LUZP2: variants seen among roughly 807,000 people sequenced by gnomAD.
The protein encoded by LUZP2 is leucine zipper protein 2.
A neutral mutation model predicts 51.6 loss-of-function variants in LUZP2; 52 were observed. The observed-to-expected ratio is 1.01, with a 90% CI of 0.81 to 1.27. LUZP2 has a LOEUF of 1.27. Among genes scored for constraint, LUZP2 ranks in the 50% most tolerant of loss-of-function variants. The pLI is 0.00. For synonymous variants in LUZP2, 154 were observed against 137.3 expected, an observed-to-expected ratio of 1.12 and a Z score of -0.85; for missense variants, 436 against 395.4, an observed-to-expected ratio of 1.10 and a Z score of -0.87.
At chr11:24,768,616 G>A (rs1362380133) in intron 5 of LUZP2, among the ~76,000 whole-genome samples, 2 of 152,146 alleles carry the variant, frequency 1.3e-5, no homozygotes, top group Non-Finnish European at 2.9e-5. Context: ...TTCATCAGAA[G>A]AAGATTTACA....
At chr11:24,833,049 T>C (rs982105410) in intron 5 of LUZP2, among the ~76,000 whole-genome samples, 64 of 152,190 alleles carry the variant, frequency 4.2e-4, no homozygotes, top group African/African-American at 1.5e-3. Context: ...AATTAAGCAG[T>C]TGATGAAGGG....
rs74436508 is a variant in LUZP2 at position 24,941,387 on chromosome 11, C to G, written c.522+26849C>G. On this transcript the variant is annotated intron_variant, in intron 7 of 11. Transcript: ENST00000336930. Reference sequence around the variant, plus strand: ...TAGAGAAAAATATATAAATCACAAACTTTAAATACGCAAATATAAAAAAGC... The same window carrying G: ...TAGAGAAAAATATATAAATCACAAAGTTTAAATACGCAAATATAAAAAAGC... Among the ~76,000 whole-genome samples, 862 of 152,188 alleles carry G rather than the reference C, an allele frequency of 5.7e-3. 4 individuals are homozygous for G. The highest frequency in any genetic ancestry group is 9.2e-3 in the Admixed American group (141 of 15,286).
At chr11:25,049,911 T>A (rs1368700099) in intron 9 of LUZP2, 127 bp from the exon 10 acceptor site, 1 of 423,484 alleles carries the variant, frequency 2.4e-6, no homozygotes, top group Non-Finnish European at 4.1e-6. Flanking sequence ...CTTGTTTTAT[T>A]TTGATTGTAA....
intron 7 of LUZP2, among the ~76,000 whole-genome samples, chr11:24,975,800 T>C (rs1276545081): frequency 6.6e-6 from 1 of 152,038 alleles, no homozygotes; most frequent in Non-Finnish European, 1.5e-5. Context: ...ACAATAATGA[T>C]ACTTGTAATG....
chr11:24,574,182 T>C (rs202246892), intron 1 of LUZP2, among the ~76,000 whole-genome samples: 1 of 129,046 alleles, frequency 7.7e-6, no homozygotes, highest in Non-Finnish European at 1.7e-5. Context: ...TCTTTCTTTC[T>C]TTTCTTTCTT....
intron 5 of LUZP2, among the ~76,000 whole-genome samples, chr11:24,811,428 CT>C (rs1340667878): frequency 1.3e-5 from 2 of 152,114 alleles, no homozygotes; most frequent in African/African-American, 4.8e-5. Flanking sequence ...TAGTCGCTGT[CT>C]TATCTGACAT....
chr11:24,497,348 C>A, intron 1 of LUZP2, 43 bp downstream of exon 1: 1 of 1,434,746 alleles, frequency 7.0e-7, no homozygotes, highest in South Asian at 1.5e-5. Context: ...GGGGCGCTGC[C>A]GGGGCGAGGT....
intron 5 of LUZP2, among the ~76,000 whole-genome samples, chr11:24,828,682 G>T (rs1248717309): frequency 6.6e-6 from 1 of 152,014 alleles, no homozygotes; most frequent in Non-Finnish European, 1.5e-5. Context: ...TCGAAACTGT[G>T]ATGTCTCAGT....
intron 7 of LUZP2, among the ~76,000 whole-genome samples, chr11:24,962,424 T>A (rs552581018): frequency 6.6e-6 from 1 of 152,338 alleles, no homozygotes; most frequent in Non-Finnish European, 1.5e-5. Flanking sequence ...GATTTGGTTT[T>A]TTCACATAGT....
intron 9 of LUZP2, among the ~76,000 whole-genome samples, chr11:25,006,998 G>A (rs1590827347): frequency 6.6e-6 from 1 of 152,108 alleles, no homozygotes; most frequent in Non-Finnish European, 1.5e-5. Context: ...GTGCTGATTG[G>A]TCTATTTTAC....
chr11:24,616,472 C>T (rs772598834), intron 1 of LUZP2, among the ~76,000 whole-genome samples: 31,808 of 134,502 alleles, frequency 0.24, 4,262 homozygotes, highest in African/African-American at 0.41. Flanking sequence ...ATTTGGCGTG[C>T]GCATGTGTGT....
chr11:24,981,341 G>GTAC (rs1338899014), intron 8 of LUZP2, among the ~76,000 whole-genome samples: 4 of 151,732 alleles, frequency 2.6e-5, no homozygotes, highest in African/African-American at 9.7e-5. Context: ...AAATGTCATG[G>GTAC]TACTGGTGGG....
intron 5 of LUZP2, among the ~76,000 whole-genome samples, chr11:24,793,964 G>T (rs1306679330): frequency 6.6e-6 from 1 of 152,076 alleles, no homozygotes; most frequent in Admixed American, 6.6e-5. Context: ...TAGAAAGTCA[G>T]AAAAGTAATC....
chr11:24,650,403 A>C (rs923992775), intron 1 of LUZP2, among the ~76,000 whole-genome samples: 2 of 151,332 alleles, frequency 1.3e-5, no homozygotes, highest in East Asian at 4.0e-4. Flanking sequence ...CATACATGCA[A>C]CAACACACAC....
chr11:24,922,821 ATATCTTTTTTTT>A (rs1435034652), intron 7 of LUZP2, among the ~76,000 whole-genome samples: 3 of 107,096 alleles, frequency 2.8e-5, no homozygotes, highest in Admixed American at 1.0e-4. Context: ...TGGCACAGTT[ATATCTTTTTTTT>A]TTTCTTTTTT....
intron 1 of LUZP2, among the ~76,000 whole-genome samples, chr11:24,616,376 T>C (rs967499392): frequency 2.0e-5 from 3 of 152,034 alleles, no homozygotes; most frequent in African/African-American, 7.2e-5. Flanking sequence ...TGACCCATTG[T>C]GAGTTAATTT....
At chr11:25,056,079 G>A (rs1303795913) in intron 10 of LUZP2, among the ~76,000 whole-genome samples, 1 of 152,034 alleles carries the variant, frequency 6.6e-6, no homozygotes, top group East Asian at 1.9e-4. Flanking sequence ...CTTAAAATAT[G>A]AGCAAAGCAA....
intron 9 of LUZP2, among the ~76,000 whole-genome samples, chr11:25,014,207 C>T (rs1454726007): frequency 6.6e-6 from 1 of 152,190 alleles, no homozygotes. Flanking sequence ...CCACAATAAA[C>T]ATACGTGTGC....
chr11:24,911,834 G>A (rs1209620312), intron 6 of LUZP2, among the ~76,000 whole-genome samples: 2 of 152,164 alleles, frequency 1.3e-5, no homozygotes, highest in Non-Finnish European at 2.9e-5. Context: ...GAAGAATAAA[G>A]TCAAGGTACT....
Sources: allele counts gnomAD v4.1 joint callset (sites outside exome capture counted in the v4.1 genomes callset), GRCh38; gene constraint gnomAD v4.1.1; transcripts MANE v1.5; gene names NCBI Gene and HGNC (gene_info 2026-07-23, HGNC 2026-07-21).